The following FHAD1 variants were observed in gnomAD, a reference collection of about 807,000 sequenced individuals.
The protein encoded by FHAD1 is forkhead-associated domain-containing protein 1.
FHAD1 carries 146 observed loss-of-function variants against 191.3 expected under a neutral mutation model. That is an observed-to-expected ratio of 0.76 (90% CI 0.67 to 0.88). The LOEUF (loss-of-function observed/expected upper bound fraction) is 0.88, where lower values mean the gene tolerates loss of function less well. Among genes scored for constraint, FHAD1 ranks in the 40% least tolerant of loss-of-function variants. The pLI is 0.00. For synonymous variants in FHAD1, 616 were observed against 672.3 expected, an observed-to-expected ratio of 0.92 and a Z score of 1.29; for missense variants, 1,635 against 1,785.8, an observed-to-expected ratio of 0.92 and a Z score of 1.52.
chr1:15,371,244 G>A (rs1249936976), intron 26 of FHAD1, among the ~76,000 whole-genome samples: 2 of 152,216 alleles, frequency 1.3e-5, no homozygotes, highest in Non-Finnish European at 2.9e-5. Flanking sequence ...AAGACGCACA[G>A]GGTCCCGCCC....
At chr1:15,248,352 A>G (rs1184386262) in intron 1 of FHAD1, among the ~76,000 whole-genome samples, 1 of 152,156 alleles carries the variant, frequency 6.6e-6, no homozygotes, top group African/African-American at 2.4e-5. Context: ...CTCCAGGACC[A>G]GAGACAAAGG....
chr1:15,241,830 A>G (rs1645410214), intron 1 of FHAD1, among the ~76,000 whole-genome samples: 1 of 152,218 alleles, frequency 6.6e-6, no homozygotes, highest in Non-Finnish European at 1.5e-5. Flanking sequence ...GTGGGTGAGT[A>G]CACTTAGTAA....
chr1:15,266,296 A>C (rs1653455312), intron 2 of FHAD1, among the ~76,000 whole-genome samples: 1 of 151,804 alleles, frequency 6.6e-6, no homozygotes, highest in African/African-American at 2.4e-5. Context: ...TTTTGTAGAG[A>C]TAGGGTCTCC....
In FHAD1 at chr1:15,296,743, G is replaced by T. The variant is rs1486469222; in HGVS notation, c.628G>T (p.Val210Phe). The T allele has an allele frequency of 6.4e-7, 1 of 1,551,808 alleles. No individual in the cohort carries two copies. Among genetic ancestry groups the T allele is most frequent in the Non-Finnish European group, 8.7e-7 (1 of 1,147,062 alleles). ...KSVAEGIPGA[V>F]PPAEIYVEED... ...AGTGGCCGAGGGGATTCCTGGGGCA[G>T]TTCCCCCTGCGGAGATTTATGTGGA... Residue 210 changes from valine to phenylalanine, a missense_variant, in exon 5 of 34, where the codon GTT becomes TTT. By Grantham distance (50) the Val-to-Phe change is conservative (BLOSUM62 -1). Coordinates refer to ENST00000688493, the MANE Select transcript of FHAD1 (RefSeq NM_001391957.1).
intron 2 of FHAD1, among the ~76,000 whole-genome samples, chr1:15,271,093 C>G (rs926364153): frequency 6.9e-6 from 1 of 145,712 alleles, no homozygotes; most frequent in Non-Finnish European, 1.5e-5. Flanking sequence ...GAGCTAAGAT[C>G]GCACCACTGC....
rs185247816 is a variant in FHAD1 at position 15,341,185 on chromosome 1, A to C, written c.1978-551A>C. Among the ~76,000 whole-genome samples the C allele has an allele frequency of 4.2e-3, 646 of 152,302 alleles. 8 individuals are homozygous for C. The highest frequency in any genetic ancestry group is 0.011 in the African/African-American group (469 of 41,560). ...CGACAGAGCAAGACACCATCTCAAAAAAAACAAAACAAAACAAAAACACCA... is the reference window on the plus strand; with the variant it reads ...CGACAGAGCAAGACACCATCTCAAACAAAACAAAACAAAACAAAAACACCA... On this transcript the variant is annotated intron_variant, in intron 15 of 33. Transcript: ENST00000688493.
chr1:15,401,747 C>T (rs370801632), downstream of FHAD1, among the ~76,000 whole-genome samples: 7 of 152,176 alleles, frequency 4.6e-5, no homozygotes, highest in South Asian at 4.2e-4. Context: ...AACCTAATAA[C>T]GCTAATGCAT....
chr1:15,331,486 TGATG>T (rs140320304), intron 14 of FHAD1, among the ~76,000 whole-genome samples: 67,236 of 83,026 alleles, frequency 0.81, 28,018 homozygotes, highest in East Asian at 0.91. Flanking sequence ...GTGGGTGGAT[TGATG>T]GATGGATGGA....
At chr1:15,328,592 A>C in intron 13 of FHAD1, 163 bp downstream of exon 13, 1 of 592,820 alleles carries the variant, frequency 1.7e-6, no homozygotes, top group Non-Finnish European at 2.7e-6. Context: ...AAGAAAAAAC[A>C]AAGGGCCTAA....
At chr1:15,374,857 TTTG>T (rs1331265302) in intron 27 of FHAD1, among the ~76,000 whole-genome samples, 79 of 112,850 alleles carry the variant, frequency 7.0e-4, no homozygotes, top group Middle Eastern at 4.3e-3. Context: ...CGTTTTTTTT[TTTG>T]TTTGTTTTTT....
At chr1:15,256,645 CAAAAAAAAA>C (rs34598860) in intron 2 of FHAD1, among the ~76,000 whole-genome samples, 11 of 71,296 alleles carry the variant, frequency 1.5e-4, no homozygotes, top group East Asian at 6.3e-4. Context: ...AGACTCTGTC[CAAAAAAAAA>C]AAAAAAAAAA....
At chr1:15,258,771 A>G (rs541269851) in intron 2 of FHAD1, among the ~76,000 whole-genome samples, 10 of 151,752 alleles carry the variant, frequency 6.6e-5, no homozygotes, top group Non-Finnish European at 1.5e-4. Flanking sequence ...TATTTTTAAT[A>G]GAGACTGGGT....
intron 21 of FHAD1, 116 bp downstream of exon 21, chr1:15,358,399 G>A: frequency 9.9e-7 from 1 of 1,009,114 alleles, no homozygotes; most frequent in Non-Finnish European, 1.4e-6. Context: ...TGATGTTCTG[G>A]GCCAAGTAGC....
chr1:15,349,073 G>A lies in FHAD1; in HGVS notation c.2378G>A (p.Arg793Lys). The change falls in exon 19 of 34, where the codon AGA becomes AAA. Residue 793 changes from arginine to lysine, a missense_variant. Physicochemically the swap from Arg to Lys is conservative, Grantham distance 26 (BLOSUM62 2). Coordinates refer to ENST00000688493, the MANE Select transcript of FHAD1 (RefSeq NM_001391957.1). ...GAGAGCAGCATAGCCCATGAAAAAAGAAAAGCAAAGGAAGCCTTGGAGTCG... is the reference window on the plus strand; with the variant it reads ...GAGAGCAGCATAGCCCATGAAAAAAAAAAAGCAAAGGAAGCCTTGGAGTCG... ...VLESSIAHEK[R>K]KAKEALESEK... 6.4e-7 allele frequency: 1 copy of A among 1,551,464 alleles called. No homozygotes were observed. The highest frequency in any genetic ancestry group is 2.4e-5 in the East Asian group (1 of 40,908).
chr1:15,294,584 A>G (rs1349107359), intron 4 of FHAD1, among the ~76,000 whole-genome samples: 1 of 151,938 alleles, frequency 6.6e-6, no homozygotes, highest in Non-Finnish European at 1.5e-5. Flanking sequence ...GTAGAGTTGG[A>G]GTTTCGCCAT....
intron 25 of FHAD1, 24 bp downstream of exon 25, chr1:15,367,646 G>T (rs953402519): frequency 2.7e-6 from 4 of 1,495,696 alleles, no homozygotes; most frequent in Non-Finnish European, 2.7e-6. Flanking sequence ...GGGCCGGGTT[G>T]GGGGGATGGT....
Position 15,328,263 on chromosome 1 carries a change from C to G in FHAD1, c.1558-14C>G. On this transcript the variant is annotated splice_polypyrimidine_tract_variant and intron_variant, in intron 12 of 33. Coordinates refer to ENST00000688493, the MANE Select transcript of FHAD1 (RefSeq NM_001391957.1). Reference sequence around the variant, plus strand: ...CATCTTTTTTTTTTTTTTCCTTTTTCTTTTTCTCACCAGTTAATAGAGAAA... The same window carrying G: ...CATCTTTTTTTTTTTTTTCCTTTTTGTTTTTCTCACCAGTTAATAGAGAAA... 4 of 863,968 alleles carry G rather than the reference C, an allele frequency of 4.6e-6. No homozygotes were observed. Among genetic ancestry groups the G allele is most frequent in the East Asian group, 5.0e-5 (1 of 20,142 alleles). The allele number at this position is 863,968 out of a possible 1,614,324, so 53.5% of individuals were successfully genotyped here. A position where few individuals can be genotyped will look rare whatever the true frequency, so the allele number is the denominator to read the frequency against.
intron 6 of FHAD1, among the ~76,000 whole-genome samples, chr1:15,306,355 T>C (rs939895757): frequency 6.6e-6 from 1 of 152,246 alleles, no homozygotes; most frequent in Non-Finnish European, 1.5e-5. Flanking sequence ...TCAGAAAATT[T>C]GCAGCCTGAT....
intron 5 of FHAD1, 78 bp from the exon 6 acceptor site, chr1:15,301,127 G>T: frequency 7.7e-7 from 1 of 1,297,696 alleles, no homozygotes; most frequent in South Asian, 1.4e-5. Flanking sequence ...ACCGCACCCG[G>T]CCCCTACTTT....
Sources: allele counts gnomAD v4.1 joint callset (sites outside exome capture counted in the v4.1 genomes callset), GRCh38; gene constraint gnomAD v4.1.1; transcripts MANE v1.5; gene names NCBI Gene and HGNC (gene_info 2026-07-23, HGNC 2026-07-21).